GRIK5: variants seen among roughly 807,000 people sequenced by gnomAD.
GRIK5 encodes glutamate ionotropic receptor kainate type subunit 5.
In GRIK5, 43 loss-of-function variants were observed where a neutral mutation model predicts 97.4. That is an observed-to-expected ratio of 0.44 (90% confidence interval 0.35 to 0.57). The LOEUF (loss-of-function observed/expected upper bound fraction) is 0.57. GRIK5 is among the 20% of genes least tolerant of loss of function. GRIK5 has a pLI of 0.01. For synonymous variants in GRIK5, 580 were observed against 583.5 expected (o/e 0.99, Z 0.09); for missense variants, 1,015 against 1,382.0 (o/e 0.73, Z 4.21).
chr19:42,065,986 C>A lies in GRIK5; in HGVS notation c.-50-166G>T, dbSNP rs1349104251. Among the ~76,000 whole-genome samples the A allele has an allele frequency of 6.6e-6, 1 of 152,114 alleles. No individual in the cohort carries two copies. The highest frequency in any genetic ancestry group is 1.5e-5 in the Non-Finnish European group (1 of 68,016). ...GTTTAGAAGCTGGCAATACTGAGGG[C>A]ATTGCAAGAAGGGAAGCTCAGCTCA... On this transcript the variant is annotated intron_variant, in intron 1 of 19. Coordinates refer to ENST00000593562, the MANE Select transcript of GRIK5 (RefSeq NM_002088.5). This position sits in a 1 kb window ranked among gnomAD's most constrained non-coding sequence, Gnocchi z 5.8.
chr19:42,048,764 T>C (rs1034573522), intron 11 of GRIK5, among the ~76,000 whole-genome samples: 3 of 151,774 alleles, frequency 2.0e-5, no homozygotes, highest in African/African-American at 4.8e-5. Context: ...AAGGGCCAAG[T>C]GTGGTGGCTC....
At chr19:42,013,640 G>A (rs1200927601) in intron 15 of GRIK5, among the ~76,000 whole-genome samples, 1 of 152,010 alleles carries the variant, frequency 6.6e-6, no homozygotes, top group East Asian at 1.9e-4. Flanking sequence ...TCGATCCTCT[G>A]ACCTCGTGAT....
chr19:42,006,643 A>G lies in GRIK5; in HGVS notation c.2037+2T>C. 1 of 1,613,244 alleles carries G rather than the reference A, an allele frequency of 6.2e-7. No homozygotes were observed. Among genetic ancestry groups the G allele is most frequent in the Non-Finnish European group, 8.5e-7 (1 of 1,179,666 alleles). ...ACGCCTGAGAGGTTCTGGTGGCCCCACCTGGAAGAAGGTCATGGTGGAGCC... is the reference window on the plus strand; with the variant it reads ...ACGCCTGAGAGGTTCTGGTGGCCCCGCCTGGAAGAAGGTCATGGTGGAGCC... On this transcript the variant is annotated splice_donor_variant, in intron 16 of 19. Coordinates refer to ENST00000593562, the MANE Select transcript of GRIK5 (RefSeq NM_002088.5). LOFTEE classifies it high-confidence loss of function. The surrounding 1 kb of genome is among the most constrained non-coding windows in gnomAD (Gnocchi z 5.3).
At chr19:42,015,932 A>C (rs970521986) in intron 15 of GRIK5, among the ~76,000 whole-genome samples, 4 of 152,204 alleles carry the variant, frequency 2.6e-5, no homozygotes, top group African/African-American at 9.7e-5. Flanking sequence ...TCCTCCACAG[A>C]ACACATGTGC....
Position 42,053,819 on chromosome 19 carries a change from G to A in GRIK5, c.1161+6C>T. 3 of 1,602,314 alleles carry A rather than the reference G, an allele frequency of 1.9e-6. No homozygotes were observed. Among genetic ancestry groups the A allele is most frequent in the Non-Finnish European group, 2.6e-6 (3 of 1,169,296 alleles). ...AGGGCTCTGGCGTCACCCTGGGTCT[G>A]CTCACCTCACGGTGGCCCTGCCGGG... On this transcript the variant is annotated splice_donor_region_variant and intron_variant, in intron 10 of 19. Transcript: ENST00000593562.
chr19:41,998,834 TC>T lies in GRIK5; in HGVS notation c.*36del. The T allele has an allele frequency of 9.3e-7, 1 of 1,072,056 alleles. No homozygotes were observed. Among genetic ancestry groups the T allele is most frequent in the Non-Finnish European group, 1.1e-6 (1 of 874,962 alleles). 66.4% of individuals were successfully genotyped at this position (1,072,056 alleles called of 1,614,324 possible). A position where few individuals can be genotyped will look rare whatever the true frequency, so the allele number is the denominator to read the frequency against. On this transcript the variant is annotated 3_prime_UTR_variant, in exon 20 of 20. Transcript: ENST00000593562. ...GGGGCCTGGGGCGGGCCCCGTCCCT[TC>T]GGTCAGTCCGGGCGCCCGCACAGCC...
chr19:42,030,373 G>T (rs2075827178), intron 12 of GRIK5, among the ~76,000 whole-genome samples: 1 of 151,974 alleles, frequency 6.6e-6, no homozygotes, highest in Admixed American at 6.6e-5. Flanking sequence ...GTAGAGATGG[G>T]GTTTCACTGT....
rs567265595 is a variant in GRIK5, at chr19:42,059,115, C to T, written c.687+234G>A. ...TGTTCCCTTAGCCTCACTCATTAAC[C>T]CTCACAACCCACCGAGCAGGGACTA... is the stretch of plus-strand genomic sequence containing the variant. On this transcript the variant is annotated intron_variant, in intron 6 of 19. Transcript: ENST00000593562. Among the ~76,000 whole-genome samples, 4 of 152,290 alleles carry T rather than the reference C, an allele frequency of 2.6e-5. No individual in the cohort carries two copies. In the East Asian group the frequency reaches 5.8e-4, roughly 22 times the overall value.
intron 1 of GRIK5, among the ~76,000 whole-genome samples, chr19:42,066,791 C>G (rs981249982): frequency 6.6e-6 from 1 of 151,390 alleles, no homozygotes; most frequent in East Asian, 1.9e-4. Context: ...AAGGCACAGG[C>G]GAGACACAGG....
chr19:42,025,496 C>T (rs940733239), intron 12 of GRIK5, among the ~76,000 whole-genome samples: 5 of 152,060 alleles, frequency 3.3e-5, no homozygotes, highest in African/African-American at 1.2e-4. Context: ...AACCTCTGGC[C>T]AATATGGCGG....
At position 42,062,507 on chromosome 19, in the gene GRIK5, G is replaced by A. The variant is rs1351281902; in HGVS notation, c.489C>T (p.Leu163=). The change falls in exon 5 of 20, where the codon CTC becomes CTT. Residue 163 remains leucine (L), a synonymous_variant. Transcript: ENST00000593562. The surrounding 1 kb of genome is among the most constrained non-coding windows in gnomAD (Gnocchi z 5.3). ...LKSFNYPSAS[L]ICAKAECLLR... is the part of the protein sequence containing the mutation. The stretch of plus-strand genomic sequence containing the variant: ...CCTCACACTCAGCCTTGGCGCAGAT[G>A]AGGCTGGCCGAGGGGTAGTTGAAGG... The A allele has an allele frequency of 6.2e-7, 1 of 1,614,174 alleles. No individual in the cohort carries two copies. The highest frequency in any genetic ancestry group is 8.5e-7 in the Non-Finnish European group (1 of 1,180,020).
chr19:42,057,618 G>A (rs529491073), intron 6 of GRIK5, among the ~76,000 whole-genome samples: 1 of 152,118 alleles, frequency 6.6e-6, no homozygotes, highest in African/African-American at 2.4e-5. Flanking sequence ...CTCCTGCCTT[G>A]GCCTCCCATG....
Position 42,062,532 on chromosome 19 carries a change from G to A in GRIK5, c.464C>T (p.Ser155Phe), listed in dbSNP as rs2076272333. ...VSLAVSRILK[S>F]FNYPSASLIC... ...GAGGCTGGCCGAGGGGTAGTTGAAG[G>A]ACTTGAGGATTCGGGAGACCGCCAA... Residue 155 changes from serine to phenylalanine, a missense_variant, in exon 5 of 20, where the codon TCC becomes TTC. Transcript: ENST00000593562. This position sits in a 1 kb window ranked among gnomAD's most constrained non-coding sequence, Gnocchi z 5.3. 1 of 1,614,158 alleles carries A rather than the reference G, an allele frequency of 6.2e-7. No individual in the cohort carries two copies. The highest frequency in any genetic ancestry group is 1.7e-5 in the Admixed American group (1 of 60,012).
chr19:42,006,547 A>C lies in GRIK5; in HGVS notation c.2037+98T>G. On this transcript the variant is annotated intron_variant, in intron 16 of 19. Transcript: ENST00000593562. The surrounding 1 kb of genome is among the most constrained non-coding windows in gnomAD (Gnocchi z 5.3). ...AGCCTCCAGGCTGTCACTGACAATC[A>C]GTCCCTCTGACCCAGGAGACCCTGC... 1 of 1,015,848 alleles carries C rather than the reference A, an allele frequency of 9.8e-7. No individual in the cohort carries two copies. The highest frequency in any genetic ancestry group is 1.5e-6 in the Non-Finnish European group (1 of 669,330). The allele number at this position is 1,015,848 out of a possible 1,614,324, so 62.9% of individuals were successfully genotyped here. A position where few individuals can be genotyped will look rare whatever the true frequency, so the allele number is the denominator to read the frequency against.
chr19:42,013,616 T>C (rs1422324139), intron 15 of GRIK5, among the ~76,000 whole-genome samples: 3 of 151,990 alleles, frequency 2.0e-5, no homozygotes, highest in Admixed American at 6.6e-5. Flanking sequence ...TTCACCATGT[T>C]AGCCAGGACG....
chr19:42,023,768 C>T (rs1430233570), intron 12 of GRIK5, among the ~76,000 whole-genome samples: 1 of 152,230 alleles, frequency 6.6e-6, no homozygotes, highest in African/African-American at 2.4e-5. Context: ...CTCCACCACC[C>T]GGGCCTGGGC....
At chr19:42,037,440 C>T (rs1413635943) in intron 12 of GRIK5, among the ~76,000 whole-genome samples, 1 of 152,178 alleles carries the variant, frequency 6.6e-6, no homozygotes, top group East Asian at 1.9e-4. Flanking sequence ...GCCTGGGCGA[C>T]AGAGTGAGAC....
At chr19:42,035,821 C>G (rs2075897306) in intron 12 of GRIK5, among the ~76,000 whole-genome samples, 1 of 152,120 alleles carries the variant, frequency 6.6e-6, no homozygotes, top group Non-Finnish European at 1.5e-5. Context: ...AGTGTTTCTG[C>G]TATTTGTACC....
rs1239692689 is a variant in GRIK5, at chr19:42,062,500, C to T, written c.496G>A (p.Ala166Thr). Reference protein sequence around the residue: ...FNYPSASLICAKAECLLRLEE... With the variant: ...FNYPSASLICTKAECLLRLEE... ...AGTTCTCCCTCACACTCAGCCTTGGCGCAGATGAGGCTGGCCGAGGGGTAG... is the reference window on the plus strand; with the variant it reads ...AGTTCTCCCTCACACTCAGCCTTGGTGCAGATGAGGCTGGCCGAGGGGTAG... The change falls in exon 5 of 20, where the codon GCC becomes ACC. Residue 166 changes from alanine (A) to threonine (T), a missense_variant. Physicochemically the swap from Ala to Thr is moderately conservative, Grantham distance 58. Coordinates refer to ENST00000593562, the MANE Select transcript of GRIK5 (RefSeq NM_002088.5). The surrounding 1 kb of genome is among the most constrained non-coding windows in gnomAD (Gnocchi z 5.3). The T allele has an allele frequency of 2.4e-5, 38 of 1,613,990 alleles. No individual in the cohort carries two copies. The highest frequency in any genetic ancestry group is 2.8e-5 in the Non-Finnish European group (33 of 1,180,012).
Sources: gnomAD v4.1 joint callset for allele counts (sites outside exome capture counted in the v4.1 genomes callset) on GRCh38, gnomAD v4.1.1 for gene constraint, Gnocchi (gnomAD v3.1) non-coding constraint, MANE v1.5 for transcripts, NCBI Gene and HGNC (gene_info 2026-07-23, HGNC 2026-07-21) for gene names.